Variants in LGSN observed in about 807,000 individuals in gnomAD.
LGSN encodes the protein lengsin.
A neutral mutation model predicts 19.5 loss-of-function variants in LGSN; 21 were observed. That is an observed-to-expected ratio of 1.07 (90% CI 0.76 to 1.55). LGSN has a LOEUF of 1.55. Ranked by LOEUF, LGSN falls within the 40% of genes most tolerant of loss-of-function variation. LGSN has a pLI of 0.00. For missense variants in LGSN, 673 were observed against 608.5 expected, an observed-to-expected ratio of 1.11 and a Z score of -1.12; for synonymous variants, 257 against 215.6, an observed-to-expected ratio of 1.19 and a Z score of -1.68.
the LGSN span, among the ~76,000 whole-genome samples, chr6:63,543,534 G>T: frequency 6.6e-6 from 1 of 152,144 alleles, no homozygotes; most frequent in Admixed American, 6.6e-5. Context: ...AATAATAATT[G>T]TTCATTGAAT....
At chr6:63,339,378 C>T in the LGSN span, among the ~76,000 whole-genome samples, 1 of 152,156 alleles carries the variant, frequency 6.6e-6, no homozygotes, top group East Asian at 1.9e-4. Flanking sequence ...CATATATTTA[C>T]AATTGATATA....
chr6:63,295,054 A>G lies in LGSN; in HGVS notation c.31-9T>C, dbSNP rs189760463. Reference sequence around the variant, plus strand: ...TCATCTCTTGTTGAGTCCTGTTGATAATTAATAAACAAAAAGCCAAATAAC... The same window carrying G: ...TCATCTCTTGTTGAGTCCTGTTGATGATTAATAAACAAAAAGCCAAATAAC... On this transcript the variant is annotated splice_polypyrimidine_tract_variant and intron_variant, in intron 1 of 3. Coordinates refer to ENST00000370657, the MANE Select transcript of LGSN (RefSeq NM_016571.3). 255 of 1,610,702 alleles carry G rather than the reference A, an allele frequency of 1.6e-4. 1 individual carries two copies. In the East Asian group the frequency reaches 4.6e-3, roughly 29 times the overall value.
At chr6:63,429,735 C>CAAAAA in the LGSN span, among the ~76,000 whole-genome samples, 1 of 124,608 alleles carries the variant, frequency 8.0e-6, no homozygotes. Context: ...GACTCCATCT[C>CAAAAA]AAAAAAAAAA....
At position 63,280,121 on chromosome 6, in the gene LGSN, C is replaced by T. The variant is rs1413072066; in HGVS notation, c.1430G>A (p.Gly477Glu). Residue 477 changes from glycine (G) to glutamate (E), a missense_variant, in exon 4 of 4, where the codon GGA (glycine) becomes GAA (glutamate). Gly to Glu is a moderately conservative substitution (Grantham distance 98, BLOSUM62 -2). Transcript: ENST00000370657. ...AACAAAATATCGAATAAAGGTTTCTCCTAGAGCCTGTCTCAGGCATTGATC... is the reference window on the plus strand; with the variant it reads ...AACAAAATATCGAATAAAGGTTTCTTCTAGAGCCTGTCTCAGGCATTGATC... ...EEDQCLRQAL[G>E]ETFIRYFVAM... is the part of the protein sequence containing the mutation. 6.2e-7 allele frequency: 1 copy of T among 1,614,068 alleles called. No homozygotes were observed. Among genetic ancestry groups the T allele is most frequent in the Non-Finnish European group, 8.5e-7 (1 of 1,180,038 alleles).
the LGSN span, among the ~76,000 whole-genome samples, chr6:63,529,131 G>GTGTGTGTATATATATATGTATATATA: frequency 1.6e-4 from 21 of 131,180 alleles, no homozygotes; most frequent in South Asian, 7.6e-4. Flanking sequence ...GTATATATAT[G>GTGTGTGTATATATATATGTATATATA]TGTGTGTATA....
At chr6:63,405,912 G>C in the LGSN span, among the ~76,000 whole-genome samples, 3 of 152,066 alleles carry the variant, frequency 2.0e-5, no homozygotes, top group Non-Finnish European at 4.4e-5. Flanking sequence ...AACCAACAAA[G>C]ATCAAAAGAG....
At chr6:63,390,627 C>G in the LGSN span, among the ~76,000 whole-genome samples, 1 of 151,070 alleles carries the variant, frequency 6.6e-6, no homozygotes, top group Non-Finnish European at 1.5e-5. Context: ...GAGGCCGAGG[C>G]GGGCGGATCA....
the LGSN span, among the ~76,000 whole-genome samples, chr6:63,428,414 C>T: frequency 3.9e-5 from 6 of 152,196 alleles, no homozygotes; most frequent in Non-Finnish European, 7.4e-5. Flanking sequence ...TGCCATGGCG[C>T]GATCTTGGCT....
chr6:63,436,964 G>A, the LGSN span, among the ~76,000 whole-genome samples: 2 of 151,544 alleles, frequency 1.3e-5, no homozygotes, highest in Non-Finnish European at 2.9e-5. Flanking sequence ...TTGAACCCAG[G>A]AGGTGTAGGT....
the LGSN span, among the ~76,000 whole-genome samples, chr6:63,471,959 G>A: frequency 6.6e-6 from 1 of 152,262 alleles, no homozygotes; most frequent in Non-Finnish European, 1.5e-5. Context: ...CTACAAGCAG[G>A]AAGAGAGCCC....
At chr6:63,314,362 A>G (rs1009703869) in intron 1 of LGSN, among the ~76,000 whole-genome samples, 1 of 152,206 alleles carries the variant, frequency 6.6e-6, no homozygotes, top group Non-Finnish European at 1.5e-5. Flanking sequence ...GATCTGCCAG[A>G]GGCTTTAACT....
the LGSN span, among the ~76,000 whole-genome samples, chr6:63,434,376 G>A: frequency 6.7e-6 from 1 of 150,024 alleles, no homozygotes; most frequent in African/African-American, 2.5e-5. Flanking sequence ...GGAGGTGGAG[G>A]TTGCAGTGAG....
At chr6:63,441,291 C>G in the LGSN span, 1 of 448,830 alleles carries the variant, frequency 2.2e-6, no homozygotes, top group Non-Finnish European at 4.5e-6. Flanking sequence ...AAAGAACAAG[C>G]CGCAGCACCC....
the LGSN span, among the ~76,000 whole-genome samples, chr6:63,514,591 A>G: frequency 6.6e-6 from 1 of 152,242 alleles, no homozygotes; most frequent in African/African-American, 2.4e-5. Flanking sequence ...TGTCACAACA[A>G]TGAAATGTCT....
chr6:63,409,714 T>C, the LGSN span, among the ~76,000 whole-genome samples: 1 of 152,168 alleles, frequency 6.6e-6, no homozygotes, highest in Admixed American at 6.6e-5. Flanking sequence ...CTACATGATT[T>C]GGGTCATGTT....
chr6:63,523,042 T>A, the LGSN span, among the ~76,000 whole-genome samples: 1 of 151,942 alleles, frequency 6.6e-6, no homozygotes, highest in Non-Finnish European at 1.5e-5. Context: ...TTTTTGTATT[T>A]TTAGCAGACA....
At position 63,294,917 on chromosome 6, in the gene LGSN, T is replaced by G; in HGVS notation, c.159A>C (p.Ser53=). ...TEVGETDMSN[S]NDCMRDSSQI... ...GGACTCAGAGTAGTTAGATACCATT[T>G]GAATTGGACATATCCGTTTCTCCCA... The change falls in exon 2 of 4, where the codon TCA becomes TCC. Residue 53 remains serine (S), a synonymous_variant. Coordinates refer to ENST00000370657, the MANE Select transcript of LGSN (RefSeq NM_016571.3). 1 of 1,613,884 alleles carries G rather than the reference T, an allele frequency of 6.2e-7. No homozygotes were observed. Among genetic ancestry groups the G allele is most frequent in the Non-Finnish European group, 8.5e-7 (1 of 1,179,872 alleles).
At chr6:63,510,601 A>G in the LGSN span, among the ~76,000 whole-genome samples, 1 of 151,072 alleles carries the variant, frequency 6.6e-6, no homozygotes, top group African/African-American at 2.4e-5. Flanking sequence ...GCCAGGCACC[A>G]TCTTCAGTGT....
At chr6:63,535,253 C>T in the LGSN span, among the ~76,000 whole-genome samples, 20 of 151,984 alleles carry the variant, frequency 1.3e-4, no homozygotes, top group South Asian at 2.5e-3. Context: ...TCACTTGAGG[C>T]CAGGAGTTTG....
Sources: gnomAD v4.1 joint callset for allele counts (sites outside exome capture counted in the v4.1 genomes callset) on GRCh38, gnomAD v4.1.1 for gene constraint, MANE v1.5 for transcripts, NCBI Gene and HGNC (gene_info 2026-07-23, HGNC 2026-07-21) for gene names.